SHISA4: variants seen among roughly 807,000 people sequenced by gnomAD.
SHISA4 encodes shisa family member 4, also known as protein shisa-4.
SHISA4 carries 16 observed loss-of-function variants against 24.2 expected under a neutral mutation model. The ratio of observed to expected loss-of-function variants is 0.66; its 90% CI spans 0.45 to 1.00. The LOEUF is 1.00. Ranked by LOEUF, SHISA4 falls within the 50% of genes least tolerant of loss-of-function variation. SHISA4 has a pLI of 0.00. For synonymous variants in SHISA4, 106 were observed against 105.4 expected, an observed-to-expected ratio of 1.01 and a Z score of -0.04; for missense variants, 238 against 258.9, an observed-to-expected ratio of 0.92 and a Z score of 0.55.
At chr1:201,889,768 T>TA in intron 2 of SHISA4, 152 bp downstream of exon 2, 6 of 831,676 alleles carry the variant, frequency 7.2e-6, no homozygotes, top group Non-Finnish European at 1.1e-5. Flanking sequence ...GCGGCAGAGC[T>TA]AGGTGCTTAG....
At chr1:201,889,653 A>G (rs976341352) in intron 2 of SHISA4, 37 bp downstream of exon 2, 2 of 1,605,356 alleles carry the variant, frequency 1.2e-6, no homozygotes, top group Admixed American at 1.7e-5. Flanking sequence ...CACCTCCTCT[A>G]TCCTTTTCTC....
chr1:201,888,844 C>T, upstream of SHISA4: 1 of 433,018 alleles, frequency 2.3e-6, no homozygotes, highest in Non-Finnish European at 3.8e-6. Flanking sequence ...TGGGTTAGCG[C>T]GGGCGGGGCG....
rs533971793 is a variant in SHISA4, at chr1:201,891,930, G to T, written c.*84G>T. The T allele has an allele frequency of 1.0e-5, 16 of 1,530,720 alleles. No homozygotes were observed. The South Asian group carries it at 1.6e-4, about 15-fold the overall frequency. The allele number at this position is 1,530,720 out of a possible 1,614,324, so 94.8% of individuals were successfully genotyped here. On this transcript the variant is annotated 3_prime_UTR_variant, in exon 5 of 5. Transcript: ENST00000362011. ...TCCTGTACCTGCATCTGGTCCTGGG[G>T]GTGGCAGGAGTCCTCCAGCCACCAG...
intron 4 of SHISA4, 80 bp from the exon 5 acceptor site, chr1:201,891,719 CT>C: frequency 6.4e-7 from 1 of 1,570,640 alleles, no homozygotes; most frequent in Non-Finnish European, 8.8e-7. Flanking sequence ...CCTATGGGTC[CT>C]GTCTGCCCCG....
Position 201,892,084 on chromosome 1 carries a change from A to G in SHISA4, c.*238A>G. On this transcript the variant is annotated 3_prime_UTR_variant, in exon 5 of 5. Transcript: ENST00000362011. ...ATTATGGGCTATTTTTACTGGGGGC[A>G]AGGGAGGGAGATGACAGCCTGGGTC... The G allele has an allele frequency of 1.8e-6, 1 of 540,592 alleles. No homozygotes were observed. Among genetic ancestry groups the G allele is most frequent in the Non-Finnish European group, 3.3e-6 (1 of 301,500 alleles). 33.5% of individuals were successfully genotyped at this position (540,592 alleles called of 1,614,324 possible).
At chr1:201,891,272 G>A (rs1390739279) in intron 3 of SHISA4, 129 bp from the exon 4 acceptor site, 1 of 1,076,166 alleles carries the variant, frequency 9.3e-7, no homozygotes, top group Non-Finnish European at 1.4e-6. Context: ...GGGTGTGGGA[G>A]GCAAAGATGG....
chr1:201,891,730 G>T, intron 4 of SHISA4, 70 bp from the exon 5 acceptor site: 2 of 1,581,906 alleles, frequency 1.3e-6, no homozygotes, highest in East Asian at 4.5e-5. Flanking sequence ...TGTCTGCCCC[G>T]GGGGCAGGGG....
Position 201,891,983 on chromosome 1 carries a change from C to T in SHISA4, c.*137C>T. 2 of 974,378 alleles carry T rather than the reference C, an allele frequency of 2.1e-6. No individual in the cohort carries two copies. Among genetic ancestry groups the T allele is most frequent in the Non-Finnish European group, 3.2e-6 (2 of 620,254 alleles). The allele number at this position is 974,378 out of a possible 1,614,324, so 60.4% of individuals were successfully genotyped here. A position where few individuals can be genotyped will look rare whatever the true frequency, so the allele number is the denominator to read the frequency against. On this transcript the variant is annotated 3_prime_UTR_variant, in exon 5 of 5. Coordinates refer to ENST00000362011, the MANE Select transcript of SHISA4 (RefSeq NM_198149.3). ...CCCAGACCAAGCCAAGCCCTGGGCC[C>T]TACTGGGGACAGAGCCCCAGGGAAG...
chr1:201,892,040 G>GT lies in SHISA4; in HGVS notation c.*196dup, dbSNP rs2102903445. 1.6e-6 allele frequency: 1 copy of GT among 629,446 alleles called. No individual in the cohort carries two copies. The highest frequency in any genetic ancestry group is 1.8e-5 in the African/African-American group (1 of 54,278). The allele number at this position is 629,446 out of a possible 1,614,324, so 39.0% of individuals were successfully genotyped here. On this transcript the variant is annotated 3_prime_UTR_variant, in exon 5 of 5. Coordinates refer to ENST00000362011, the MANE Select transcript of SHISA4 (RefSeq NM_198149.3). ...AGGAGCTGAACTAGAACTATGAGGG[G>GT]TTGGGGGGAGGGCTTGGAATTATGG...
chr1:201,890,054 A>G (rs1341086672), intron 2 of SHISA4, among the ~76,000 whole-genome samples: 1 of 152,150 alleles, frequency 6.6e-6, no homozygotes, highest in Non-Finnish European at 1.5e-5. Flanking sequence ...TTGCTTGCCA[A>G]ATTAGTGGTT....
intron 3 of SHISA4, 115 bp from the exon 4 acceptor site, chr1:201,891,286 G>A: frequency 1.5e-6 from 2 of 1,296,292 alleles, no homozygotes; most frequent in Non-Finnish European, 2.2e-6. Context: ...AAGATGGCCA[G>A]CCTGGAGCTT....
intron 2 of SHISA4, among the ~76,000 whole-genome samples, chr1:201,890,005 T>C (rs1681063212): frequency 6.6e-6 from 1 of 152,196 alleles, no homozygotes; most frequent in South Asian, 2.1e-4. Context: ...TCTTACTAGC[T>C]GTGTGATCTT....
At position 201,891,943 on chromosome 1, in the gene SHISA4, C is replaced by G. The variant is rs1184429664; in HGVS notation, c.*97C>G. The G allele has an allele frequency of 1.4e-6, 2 of 1,456,970 alleles. No individual in the cohort carries two copies. The highest frequency in any genetic ancestry group is 2.8e-5 in the African/African-American group (2 of 71,610). 90.3% of individuals were successfully genotyped at this position (1,456,970 alleles called of 1,614,324 possible). ...TCTGGTCCTGGGGGTGGCAGGAGTC[C>G]TCCAGCCACCAGGCCCCAGACCAAG... On this transcript the variant is annotated 3_prime_UTR_variant, in exon 5 of 5. Transcript: ENST00000362011.
chr1:201,890,071 C>CT (rs1394440443), intron 2 of SHISA4, among the ~76,000 whole-genome samples: 6 of 152,108 alleles, frequency 3.9e-5, no homozygotes, highest in Non-Finnish European at 5.9e-5. Flanking sequence ...GGTTGTCAAA[C>CT]TTTTTTTTAA....
At chr1:201,889,212 G>T (rs1480579095) in intron 1 of SHISA4, 145 bp downstream of exon 1, 1 of 950,788 alleles carries the variant, frequency 1.1e-6, no homozygotes, top group African/African-American at 1.7e-5. Flanking sequence ...CTCAAGAAGC[G>T]GGAAGAGGGA....
chr1:201,890,621 T>G (rs776683503), intron 3 of SHISA4, 34 bp downstream of exon 3: 1 of 1,611,464 alleles, frequency 6.2e-7, no homozygotes, highest in Non-Finnish European at 8.5e-7. Flanking sequence ...GGGCCTCAGA[T>G]GGGCTGGGCT....
chr1:201,888,942 T>A lies in SHISA4; in HGVS notation c.-53T>A. The A allele has an allele frequency of 7.9e-7, 1 of 1,273,232 alleles. No homozygotes were observed. Among genetic ancestry groups the A allele is most frequent in the Non-Finnish European group, 1.0e-6 (1 of 981,024 alleles). 78.9% of individuals were successfully genotyped at this position (1,273,232 alleles called of 1,614,324 possible). On this transcript the variant is annotated 5_prime_UTR_variant, in exon 1 of 5. Transcript: ENST00000362011. ...CCGCAGCTCCAGCTGGCCGGCTTGG[T>A]CCTGCGGTCCCTTCTCTGGGAGGCC...
intron 1 of SHISA4, 159 bp from the exon 2 acceptor site, chr1:201,889,286 C>A: frequency 9.2e-7 from 1 of 1,089,408 alleles, no homozygotes; most frequent in Non-Finnish European, 1.3e-6. Context: ...AGGCAGAGGC[C>A]TCGGGGGCTC....
chr1:201,888,726 CAG>C (rs145964488), upstream of SHISA4: 1,706 of 350,922 alleles, frequency 4.9e-3, 29 homozygotes, highest in African/African-American at 0.032. Flanking sequence ...GAGCCGGGGA[CAG>C]GGGGAGCAGG....
Sources: allele counts gnomAD v4.1 joint callset (sites outside exome capture counted in the v4.1 genomes callset), GRCh38; gene constraint gnomAD v4.1.1; transcripts MANE v1.5; gene names NCBI Gene and HGNC (gene_info 2026-07-23, HGNC 2026-07-21).